The following SLC24A3 variants were observed in gnomAD, a reference collection of about 807,000 sequenced individuals.
SLC24A3 encodes sodium/potassium/calcium exchanger 3.
SLC24A3 carries 28 observed loss-of-function variants against 75.8 expected under a neutral mutation model. The observed-to-expected ratio is 0.37, with a 90% CI of 0.27 to 0.51. The LOEUF is 0.51. SLC24A3 is among the 20% of genes least tolerant of loss of function. The pLI is 0.94. For synonymous variants in SLC24A3, 372 were observed against 334.1 expected, an observed-to-expected ratio of 1.11 and a Z score of -1.24; for missense variants, 663 against 847.8, an observed-to-expected ratio of 0.78 and a Z score of 2.71.
At chr20:19,512,612 CACTT>C (rs2029903651) in intron 2 of SLC24A3, among the ~76,000 whole-genome samples, 1 of 152,234 alleles carries the variant, frequency 6.6e-6, no homozygotes, top group African/African-American at 2.4e-5. Context: ...CCAAGCCTGT[CACTT>C]ACTGACATGG....
intron 3 of SLC24A3, among the ~76,000 whole-genome samples, chr20:19,578,445 C>G (rs542900004): frequency 6.6e-6 from 1 of 152,200 alleles, no homozygotes; most frequent in Admixed American, 6.5e-5. Flanking sequence ...ACAGCTGCCT[C>G]TAGCAGCTCC....
At chr20:19,458,190 C>T (rs1987611803) in intron 2 of SLC24A3, among the ~76,000 whole-genome samples, 1 of 152,116 alleles carries the variant, frequency 6.6e-6, no homozygotes, top group Non-Finnish European at 1.5e-5. Flanking sequence ...CATGCACACA[C>T]ACACACACGT....
At chr20:19,497,333 T>C (rs944641440) in intron 2 of SLC24A3, among the ~76,000 whole-genome samples, 1 of 152,146 alleles carries the variant, frequency 6.6e-6, no homozygotes, top group Non-Finnish European at 1.5e-5. Context: ...GAAGCTCTAG[T>C]TGGAGAAAGA....
At chr20:19,276,338 C>T (rs554313697) in intron 1 of SLC24A3, among the ~76,000 whole-genome samples, 18 of 152,304 alleles carry the variant, frequency 1.2e-4, no homozygotes, top group African/African-American at 4.1e-4. Context: ...GGGGGATGCT[C>T]GTCCTCACTG....
At chr20:19,401,318 C>T (rs552697002) in intron 2 of SLC24A3, among the ~76,000 whole-genome samples, 1 of 152,312 alleles carries the variant, frequency 6.6e-6, no homozygotes, top group African/African-American at 2.4e-5. Flanking sequence ...GTAAGAACAG[C>T]TCATGCAGCA....
intron 3 of SLC24A3, among the ~76,000 whole-genome samples, chr20:19,543,549 C>T (rs988293989): frequency 1.8e-4 from 28 of 152,164 alleles, no homozygotes; most frequent in African/African-American, 6.5e-4. Context: ...GCTGCCAGGC[C>T]GGGGAGGGAG....
intron 6 of SLC24A3, among the ~76,000 whole-genome samples, chr20:19,642,915 T>C (rs1196352034): frequency 1.3e-5 from 2 of 152,208 alleles, no homozygotes; most frequent in East Asian, 3.9e-4. Context: ...CTCAATTTCT[T>C]TAATGCAGGG....
intron 3 of SLC24A3, among the ~76,000 whole-genome samples, chr20:19,579,449 T>C (rs866183384): frequency 1.1e-4 from 17 of 152,360 alleles, no homozygotes; most frequent in African/African-American, 2.9e-4. Context: ...CATACCTTTA[T>C]GGAGTACCTA....
intron 6 of SLC24A3, among the ~76,000 whole-genome samples, chr20:19,628,381 A>C (rs2031892781): frequency 6.6e-6 from 1 of 152,104 alleles, no homozygotes; most frequent in South Asian, 2.1e-4. Context: ...ACAATGTATA[A>C]ACCACATTGC....
At chr20:19,323,619 T>G (rs1242753063) in intron 2 of SLC24A3, among the ~76,000 whole-genome samples, 1 of 152,116 alleles carries the variant, frequency 6.6e-6, no homozygotes, top group Non-Finnish European at 1.5e-5. Flanking sequence ...CTGTCAGTTT[T>G]CCCCCTGTGA....
chr20:19,346,319 ATATATATATGGTGTATATATATATGG>A (rs201603320), intron 2 of SLC24A3, among the ~76,000 whole-genome samples: 17,028 of 99,510 alleles, frequency 0.17, 1,974 homozygotes, highest in Middle Eastern at 0.26. Flanking sequence ...TATATATGGT[ATATATATATGGTGTATATATATATGG>A]TATATATATG....
chr20:19,288,732 A>G (rs575771988), intron 2 of SLC24A3, among the ~76,000 whole-genome samples: 1 of 152,322 alleles, frequency 6.6e-6, no homozygotes, highest in South Asian at 2.1e-4. Flanking sequence ...TGCAAAAACA[A>G]ACATAGGGAT....
intron 2 of SLC24A3, among the ~76,000 whole-genome samples, chr20:19,493,155 T>C (rs1347053718): frequency 6.6e-6 from 1 of 152,212 alleles, no homozygotes; most frequent in Non-Finnish European, 1.5e-5. Context: ...GGTGACCAGC[T>C]GGATGGGGAA....
chr20:19,432,950 G>T (rs1236325618), intron 2 of SLC24A3, among the ~76,000 whole-genome samples: 1 of 152,080 alleles, frequency 6.6e-6, no homozygotes, highest in African/African-American at 2.4e-5. Flanking sequence ...ATTGCTCAAG[G>T]TCATCGCCAA....
At chr20:19,653,033 C>A (rs746886819) in intron 6 of SLC24A3, among the ~76,000 whole-genome samples, 10 of 152,152 alleles carry the variant, frequency 6.6e-5, no homozygotes, top group Non-Finnish European at 1.3e-4. Flanking sequence ...TGGACTCTCC[C>A]AGACTTATTT....
chr20:19,674,991 A>G (rs2032507513), intron 9 of SLC24A3, among the ~76,000 whole-genome samples: 1 of 152,206 alleles, frequency 6.6e-6, no homozygotes, highest in South Asian at 2.1e-4. Flanking sequence ...CAGAGGTTGC[A>G]ATGAGCTGAG....
intron 2 of SLC24A3, among the ~76,000 whole-genome samples, chr20:19,334,035 G>A (rs1047718436): frequency 2.3e-4 from 26 of 115,168 alleles, no homozygotes; most frequent in Non-Finnish European, 4.1e-4. Context: ...CAGAAGAAAA[G>A]CTGTTAAAAA....
chr20:19,450,970 A>T (rs905547295), intron 2 of SLC24A3, among the ~76,000 whole-genome samples: 13 of 152,206 alleles, frequency 8.5e-5, no homozygotes, highest in South Asian at 8.3e-4. Context: ...ACTGCACTCC[A>T]GCCTGGGTGA....
intron 1 of SLC24A3, among the ~76,000 whole-genome samples, chr20:19,214,960 G>A (rs967604859): frequency 2.0e-5 from 3 of 152,162 alleles, no homozygotes; most frequent in African/African-American, 7.2e-5. Context: ...CAAATGTTAA[G>A]GAGGATGCCA....
Sources: gnomAD v4.1 joint callset for allele counts (sites outside exome capture counted in the v4.1 genomes callset) on GRCh38, gnomAD v4.1.1 for gene constraint, MANE v1.5 for transcripts, NCBI Gene and HGNC (gene_info 2026-07-23, HGNC 2026-07-21) for gene names.